The following GRM7 variants were observed in gnomAD, a reference collection of about 807,000 sequenced individuals.
The protein encoded by GRM7 is metabotropic glutamate receptor 7.
GRM7 carries 35 observed loss-of-function variants against 84.5 expected under a neutral mutation model. That is an observed-to-expected ratio of 0.41 (90% CI 0.32 to 0.55). GRM7 has a LOEUF of 0.55. GRM7 is among the 20% of genes least tolerant of loss of function. The pLI is 0.19. For synonymous variants in GRM7, 487 were observed against 455.1 expected (o/e 1.07, Z -0.89); for missense variants, 1,003 against 1,194.6 (o/e 0.84, Z 2.36).
chr3:7,242,136 T>C (rs1470044337), intron 2 of GRM7, among the ~76,000 whole-genome samples: 2 of 152,158 alleles, frequency 1.3e-5, no homozygotes, highest in African/African-American at 4.8e-5. Flanking sequence ...GCAGGATATA[T>C]CTAGGCATCA....
intron 8 of GRM7, among the ~76,000 whole-genome samples, chr3:7,657,279 A>G (rs991694816): frequency 2.0e-5 from 3 of 152,234 alleles, no homozygotes; most frequent in African/African-American, 7.2e-5. Context: ...GGAAAAATAA[A>G]AAGATAAATG....
intron 2 of GRM7, among the ~76,000 whole-genome samples, chr3:7,232,207 G>A (rs1697215902): frequency 6.6e-6 from 1 of 151,874 alleles, no homozygotes; most frequent in Non-Finnish European, 1.5e-5. Flanking sequence ...CTATGTATAT[G>A]GGTGAACTCT....
At chr3:7,710,438 T>G (rs1701542747) in intron 9 of GRM7, among the ~76,000 whole-genome samples, 1 of 152,080 alleles carries the variant, frequency 6.6e-6, no homozygotes, top group East Asian at 1.9e-4. Flanking sequence ...TCATTATAGG[T>G]AATTTCAGGG....
At chr3:6,874,207 G>A (rs1211746254) in intron 1 of GRM7, among the ~76,000 whole-genome samples, 3 of 152,168 alleles carry the variant, frequency 2.0e-5, no homozygotes, top group African/African-American at 7.2e-5. Context: ...TATAGCAAGT[G>A]CTCAATAAAG....
intron 7 of GRM7, among the ~76,000 whole-genome samples, chr3:7,568,709 G>A (rs542962182): frequency 3.3e-5 from 5 of 152,234 alleles, no homozygotes; most frequent in Admixed American, 6.5e-5. Context: ...CGGCCCTGCC[G>A]GCCCTGGGCA....
Position 7,557,091 on chromosome 3 carries a change from C to T in GRM7, c.1516-21331C>T, listed in dbSNP as rs115964617. Among the ~76,000 whole-genome samples, 683 of 152,234 alleles carry T rather than the reference C, an allele frequency of 4.5e-3. 7 individuals carry two copies. The highest frequency in any genetic ancestry group is 0.016 in the African/African-American group (656 of 41,538). On this transcript the variant is annotated intron_variant, in intron 7 of 9. Transcript: ENST00000357716. ...TAGATTAGATGATTAGATCTGCCTT[C>T]TGGAAAGACTGCTGTGTCTGGAGGA...
At chr3:7,508,428 C>T (rs1327818849) in intron 7 of GRM7, among the ~76,000 whole-genome samples, 1 of 152,052 alleles carries the variant, frequency 6.6e-6, no homozygotes, top group Non-Finnish European at 1.5e-5. Flanking sequence ...TGTCAATAAA[C>T]ATTTATAGAG....
At chr3:6,974,676 T>C (rs904456963) in intron 1 of GRM7, among the ~76,000 whole-genome samples, 2 of 152,064 alleles carry the variant, frequency 1.3e-5, no homozygotes, top group Non-Finnish European at 2.9e-5. Context: ...TGCTGCCTGA[T>C]GGGGTAAGAT....
At chr3:7,723,815 C>G (rs537708244) in intron 9 of GRM7, among the ~76,000 whole-genome samples, 89 of 152,176 alleles carry the variant, frequency 5.8e-4, no homozygotes, top group Non-Finnish European at 9.7e-4. Flanking sequence ...CCACTGCACT[C>G]CAGCCTGGGC....
chr3:7,569,829 A>G (rs9820651), intron 7 of GRM7, among the ~76,000 whole-genome samples: 68,414 of 151,822 alleles, frequency 0.45, 15,574 homozygotes, highest in South Asian at 0.52. Flanking sequence ...ACCCCACCAG[A>G]AGGAAGAAAC....
intron 1 of GRM7, among the ~76,000 whole-genome samples, chr3:7,039,597 C>T (rs1471052149): frequency 2.0e-5 from 3 of 151,898 alleles, no homozygotes; most frequent in South Asian, 2.1e-4. Context: ...TTGGATATGC[C>T]GTGATAAGAA....
intron 3 of GRM7, among the ~76,000 whole-genome samples, chr3:7,300,718 T>C (rs955861572): frequency 3.3e-5 from 5 of 152,132 alleles, no homozygotes; most frequent in Non-Finnish European, 5.9e-5. Context: ...TCTAGTGCTG[T>C]CCTCTCAGGG....
At chr3:7,683,642 A>G (rs969012318) in intron 9 of GRM7, among the ~76,000 whole-genome samples, 3 of 152,254 alleles carry the variant, frequency 2.0e-5, no homozygotes, top group Non-Finnish European at 2.9e-5. Flanking sequence ...AGTGACGATC[A>G]TGTTTTATGT....
chr3:7,411,471 G>A lies in GRM7; in HGVS notation c.1034-3552G>A, dbSNP rs566738728. Among the ~76,000 whole-genome samples the A allele has an allele frequency of 2.5e-4, 38 of 152,252 alleles. No homozygotes were observed. The South Asian group carries it at 7.5e-3, about 30-fold the overall frequency. On this transcript the variant is annotated intron_variant, in intron 4 of 9. Coordinates refer to ENST00000357716, the MANE Select transcript of GRM7 (RefSeq NM_000844.4). ...GTCTGTCTCCTCTCTTGTACCACCA[G>A]AAATAATCTAATTTTTTTTAGAATA...
At chr3:7,606,384 T>A (rs1696572106) in intron 8 of GRM7, among the ~76,000 whole-genome samples, 1 of 152,186 alleles carries the variant, frequency 6.6e-6, no homozygotes, top group African/African-American at 2.4e-5. Flanking sequence ...ATTAAAAATC[T>A]GATTAGGTGA....
Position 6,863,064 on chromosome 3 carries a change from C to G in GRM7, c.519+1157C>G, listed in dbSNP as rs1694816861. 4.4e-6 allele frequency: 2 copies of G among 452,662 alleles called. No individual in the cohort carries two copies. Among genetic ancestry groups the G allele is most frequent in the Admixed American group, 4.8e-5 (2 of 41,982 alleles). 28.0% of individuals were successfully genotyped at this position (452,662 alleles called of 1,614,324 possible). A position where few individuals can be genotyped will look rare whatever the true frequency, so the allele number is the denominator to read the frequency against. The stretch of plus-strand genomic sequence containing the variant: ...TCAGGGTCTCTGTGATTGTAGGTTC[C>G]CTCCTCTGTGTCTTTCCCTATATGT... On this transcript the variant is annotated intron_variant, in intron 1 of 9. Coordinates refer to ENST00000357716, the MANE Select transcript of GRM7 (RefSeq NM_000844.4). The surrounding 1 kb of genome is among the most constrained non-coding windows in gnomAD (Gnocchi z 4.8).
At chr3:7,225,445 T>G (rs1341249353) in intron 2 of GRM7, among the ~76,000 whole-genome samples, 1 of 147,754 alleles carries the variant, frequency 6.8e-6, no homozygotes, top group East Asian at 1.9e-4. Flanking sequence ...CTGTAATTTC[T>G]TGATATATTA....
At chr3:6,878,378 CGTGTGTGT>C (rs34132725) in intron 1 of GRM7, among the ~76,000 whole-genome samples, 26 of 142,052 alleles carry the variant, frequency 1.8e-4, no homozygotes, top group East Asian at 6.3e-4. Context: ...TATGTGTTTG[CGTGTGTGT>C]GTGTGTGTGT....
chr3:7,136,858 G>T (rs758653476), intron 1 of GRM7, among the ~76,000 whole-genome samples: 3 of 152,116 alleles, frequency 2.0e-5, no homozygotes, highest in Non-Finnish European at 4.4e-5. Context: ...AAGGAATGGG[G>T]AGAAGAATAA....
Sources: gnomAD v4.1 joint callset for allele counts (sites outside exome capture counted in the v4.1 genomes callset) on GRCh38, gnomAD v4.1.1 for gene constraint, Gnocchi (gnomAD v3.1) non-coding constraint, MANE v1.5 for transcripts, NCBI Gene and HGNC (gene_info 2026-07-23, HGNC 2026-07-21) for gene names.